Variants in EXOC2 observed in about 807,000 individuals in gnomAD.
The protein encoded by EXOC2 is SEC5-like 1.
EXOC2 carries 70 observed loss-of-function variants against 131.8 expected under a neutral mutation model. The ratio of observed to expected loss-of-function variants is 0.53; its 90% CI spans 0.44 to 0.65. EXOC2 has a LOEUF of 0.65. Ranked by LOEUF, EXOC2 falls within the 30% of genes least tolerant of loss-of-function variation. EXOC2 has a pLI of 0.00. For missense variants in EXOC2, 923 were observed against 1,108.6 expected, an observed-to-expected ratio of 0.83 and a Z score of 2.38; for synonymous variants, 411 against 398.4, an observed-to-expected ratio of 1.03 and a Z score of -0.38.
At chr6:611,793 A>C (rs896704806) in intron 6 of EXOC2, among the ~76,000 whole-genome samples, 8 of 152,240 alleles carry the variant, frequency 5.3e-5, no homozygotes, top group African/African-American at 1.9e-4. Context: ...CTAATCTATT[A>C]AAACTTAAAT....
intron 4 of EXOC2, among the ~76,000 whole-genome samples, chr6:623,615 T>C (rs968386258): frequency 1.3e-5 from 2 of 152,220 alleles, no homozygotes; most frequent in Non-Finnish European, 2.9e-5. Flanking sequence ...TGGACACTGT[T>C]GGCTATGACC....
chr6:617,042 G>C (rs1017609038), intron 6 of EXOC2, among the ~76,000 whole-genome samples: 7 of 152,186 alleles, frequency 4.6e-5, no homozygotes, highest in Non-Finnish European at 8.8e-5. Context: ...TGCATGGTTA[G>C]AGTTATGGAT....
At chr6:638,885 C>T (rs769927230) in intron 1 of EXOC2, among the ~76,000 whole-genome samples, 180 of 152,178 alleles carry the variant, frequency 1.2e-3, no homozygotes, top group Middle Eastern at 3.4e-3. Context: ...GCCGAGATTG[C>T]GCCACTGCAC....
chr6:665,300 T>C lies in EXOC2; in HGVS notation c.-43-27439A>G, dbSNP rs1392038438. Reference sequence around the variant, plus strand: ...AAAAACCAGTACATGTTGGTGTAGATGCGGTGAACAGGGAACACTTCTACA... The same window carrying C: ...AAAAACCAGTACATGTTGGTGTAGACGCGGTGAACAGGGAACACTTCTACA... On this transcript the variant is annotated intron_variant, in intron 1 of 27. Transcript: ENST00000230449. 4.0e-5 allele frequency among the ~76,000 whole-genome samples: 6 copies of C among 151,174 alleles called. No homozygotes were observed. The East Asian group carries it at 7.8e-4, about 20-fold the overall frequency.
intron 6 of EXOC2, among the ~76,000 whole-genome samples, chr6:610,554 A>T (rs1296487523): frequency 6.6e-6 from 1 of 152,222 alleles, no homozygotes; most frequent in East Asian, 1.9e-4. Flanking sequence ...CATTCAAAGG[A>T]AATGTTCATT....
At chr6:592,947 T>C (rs745730677) in intron 10 of EXOC2, among the ~76,000 whole-genome samples, 1 of 152,102 alleles carries the variant, frequency 6.6e-6, no homozygotes, top group African/African-American at 2.4e-5. Flanking sequence ...GGAGAATCGC[T>C]TGAACCCGAG....
chr6:525,717 T>C (rs1376268656), intron 23 of EXOC2: 1 of 152,218 alleles, frequency 6.6e-6, no homozygotes, highest in East Asian at 1.9e-4. Context: ...AAATTAAAGT[T>C]TTCTAGCATG....
chr6:646,354 A>G (rs1762579403), intron 1 of EXOC2, among the ~76,000 whole-genome samples: 1 of 152,216 alleles, frequency 6.6e-6, no homozygotes, highest in Admixed American at 6.5e-5. Flanking sequence ...GAAATTGGGG[A>G]AAAAGGAAAC....
chr6:555,874 T>C, intron 19 of EXOC2, 80 bp downstream of exon 19: 1 of 1,374,030 alleles, frequency 7.3e-7, no homozygotes, highest in Admixed American at 2.0e-5. Flanking sequence ...GAACGTCATC[T>C]GCAGATTATA....
chr6:646,316 T>A (rs959287412), intron 1 of EXOC2, among the ~76,000 whole-genome samples: 4 of 151,454 alleles, frequency 2.6e-5, no homozygotes, highest in African/African-American at 9.7e-5. Flanking sequence ...CACAAAAACA[T>A]AGACAGACAG....
intron 23 of EXOC2, among the ~76,000 whole-genome samples, chr6:503,625 TTGTTA>T (rs1764354691): frequency 6.6e-6 from 1 of 152,148 alleles, no homozygotes; most frequent in African/African-American, 2.4e-5. Context: ...TTAAAATAAT[TTGTTA>T]TATGTTTGGT....
Position 521,491 on chromosome 6 carries a change from G to A in EXOC2, c.2380+10978C>T, listed in dbSNP as rs575657742. Among the ~76,000 whole-genome samples, 79 of 152,252 alleles carry A rather than the reference G, an allele frequency of 5.2e-4. No homozygotes were observed. In the South Asian group the frequency reaches 0.016, roughly 31 times the overall value. ...TGAAGAAAGGTAGAACTACATTTAG[G>A]AGATCTTTGGTGTTACAGTATTTTA... On this transcript the variant is annotated intron_variant, in intron 23 of 27. Transcript: ENST00000230449.
intron 22 of EXOC2, among the ~76,000 whole-genome samples, chr6:547,359 C>A (rs1193043263): frequency 6.6e-6 from 1 of 152,190 alleles, no homozygotes; most frequent in African/African-American, 2.4e-5. Context: ...ACTTGGCCTG[C>A]CCTGGCTCAC....
chr6:537,217 G>A (rs1201082546), intron 22 of EXOC2, among the ~76,000 whole-genome samples: 1 of 151,144 alleles, frequency 6.6e-6, no homozygotes, highest in Non-Finnish European at 1.5e-5. Context: ...GACGACCGAC[G>A]GAGCGCACAC....
intron 20 of EXOC2, among the ~76,000 whole-genome samples, chr6:554,748 A>G (rs1004275956): frequency 1.1e-4 from 17 of 152,194 alleles, no homozygotes; most frequent in African/African-American, 4.1e-4. Flanking sequence ...CCAGCACTTT[A>G]CAATGCTGTC....
At chr6:497,168 T>C (rs1763791770) in intron 25 of EXOC2, among the ~76,000 whole-genome samples, 199 bp downstream of exon 25, 1 of 152,226 alleles carries the variant, frequency 6.6e-6, no homozygotes, top group Non-Finnish European at 1.5e-5. Context: ...AAGATCTTGC[T>C]CTACTGTAAA....
Position 637,878 on chromosome 6 carries a change from A to T in EXOC2, c.-43-17T>A, listed in dbSNP as rs915828406. 3 of 1,498,568 alleles carry T rather than the reference A, an allele frequency of 2.0e-6. No individual in the cohort carries two copies. The highest frequency in any genetic ancestry group is 2.8e-5 in the African/African-American group (2 of 72,132). 92.8% of individuals were successfully genotyped at this position (1,498,568 alleles called of 1,614,324 possible). The stretch of plus-strand genomic sequence containing the variant: ...AGAAGTAATCTGTTAAAAGAGAAAG[A>T]AAAAAGGATTAGTACCAACTGAGAC... On this transcript the variant is annotated splice_polypyrimidine_tract_variant and intron_variant, in intron 1 of 27. Coordinates refer to ENST00000230449, the MANE Select transcript of EXOC2 (RefSeq NM_018303.6).
At chr6:567,936 C>T (rs1480692273) in intron 13 of EXOC2, among the ~76,000 whole-genome samples, 9 of 152,182 alleles carry the variant, frequency 5.9e-5, no homozygotes, top group Admixed American at 3.3e-4. Flanking sequence ...ATTCTTCTCC[C>T]GGAGATGTCA....
intron 11 of EXOC2, among the ~76,000 whole-genome samples, chr6:582,122 C>T (rs1455772295): frequency 1.3e-5 from 2 of 152,096 alleles, no homozygotes; most frequent in Admixed American, 1.3e-4. Context: ...CTTTGACAAT[C>T]GAGACTCTAT....
Sources: gnomAD v4.1 joint callset for allele counts (sites outside exome capture counted in the v4.1 genomes callset) on GRCh38, gnomAD v4.1.1 for gene constraint, MANE v1.5 for transcripts, NCBI Gene and HGNC (gene_info 2026-07-23, HGNC 2026-07-21) for gene names.